The following SACM1L variants were observed in gnomAD, a reference collection of about 807,000 sequenced individuals.
SACM1L encodes the protein phosphatidylinositol-3-phosphatase SAC1.
A neutral mutation model predicts 89.5 loss-of-function variants in SACM1L; 32 were observed. The observed-to-expected ratio is 0.36, with a 90% CI of 0.27 to 0.48. SACM1L has a LOEUF of 0.48. Among genes scored for constraint, SACM1L ranks in the 20% least tolerant of loss-of-function variants. SACM1L has a pLI of 0.99. For missense variants in SACM1L, 543 were observed against 708.5 expected, an observed-to-expected ratio of 0.77 and a Z score of 2.65; for synonymous variants, 213 against 232.8, an observed-to-expected ratio of 0.92 and a Z score of 0.77.
intron 1 of SACM1L, chr3:45,689,728 C>T (rs1234059322): frequency 2.5e-5 from 15 of 607,984 alleles, no homozygotes; most frequent in South Asian, 1.8e-4. Context: ...CCAGCGCCCA[C>T]GGCTGAAGAG....
intron 11 of SACM1L, 40 bp from the exon 12 acceptor site, chr3:45,731,261 G>C (rs1345128186): frequency 1.5e-6 from 2 of 1,369,332 alleles, no homozygotes; most frequent in Non-Finnish European, 2.1e-6. Flanking sequence ...TCTCTCCTTT[G>C]AAATAAACTG....
intron 3 of SACM1L, among the ~76,000 whole-genome samples, chr3:45,706,223 G>A (rs1383510307): frequency 6.6e-6 from 1 of 152,186 alleles, no homozygotes; most frequent in Non-Finnish European, 1.5e-5. Context: ...GAGGTGGCAA[G>A]GTCAGGATTG....
intron 8 of SACM1L, 136 bp downstream of exon 8, chr3:45,719,737 G>T (rs1698746590): frequency 3.7e-6 from 2 of 533,716 alleles, no homozygotes; most frequent in East Asian, 6.4e-5. Context: ...CTGCTTCATT[G>T]TAATAATTAG....
Position 45,738,832 on chromosome 3 carries a change from CAT to C in SACM1L, c.1530_1531del (p.His510GlnfsTer34). ...CTATTCAGTGGATGAATTAGAATCT[CAT>C]AGTCCTTTAAGTGTTCCAAGGGACT... ...GNYSVDELES[H>X]SPLSVPRDWK... is the part of the protein sequence containing the mutation. On this transcript the variant is annotated frameshift_variant, in exon 18 of 20. Transcript: ENST00000389061. LOFTEE classifies it high-confidence loss of function. 1.2e-6 allele frequency: 2 copies of C among 1,611,758 alleles called. No individual in the cohort carries two copies. Among genetic ancestry groups the C allele is most frequent in the South Asian group, 1.1e-5 (1 of 90,970 alleles).
intron 11 of SACM1L, chr3:45,730,616 G>A (rs1278695065): frequency 6.6e-6 from 1 of 152,284 alleles, no homozygotes; most frequent in Admixed American, 6.5e-5. Flanking sequence ...TCAGTCTGTG[G>A]TAAAGGTTTA....
At chr3:45,692,319 T>G (rs1395435347) in intron 1 of SACM1L, among the ~76,000 whole-genome samples, 6 of 1,768 alleles carry the variant, frequency 3.4e-3, no homozygotes, top group African/African-American at 7.0e-3. Flanking sequence ...AAAGAGAGTT[T>G]TTTTTTTTTT....
intron 2 of SACM1L, 70 bp from the exon 3 acceptor site, chr3:45,705,065 C>A: frequency 1.0e-6 from 1 of 972,006 alleles, no homozygotes; most frequent in Non-Finnish European, 1.6e-6. Flanking sequence ...CTATTGAAAT[C>A]GAACTAAATT....
chr3:45,727,806 A>G (rs1698957744), intron 11 of SACM1L, among the ~76,000 whole-genome samples: 3 of 152,254 alleles, frequency 2.0e-5, no homozygotes, highest in Non-Finnish European at 4.4e-5. Context: ...CGTGTTAGCC[A>G]GGGTGGTCTC....
chr3:45,702,700 A>AT (rs1361377477), intron 1 of SACM1L, among the ~76,000 whole-genome samples: 1 of 152,184 alleles, frequency 6.6e-6, no homozygotes, highest in East Asian at 1.9e-4. Flanking sequence ...TGCCTGAACT[A>AT]TTTAAGTTGT....
intron 14 of SACM1L, chr3:45,737,363 G>A (rs776170381): frequency 4.6e-5 from 26 of 565,904 alleles, no homozygotes; most frequent in Non-Finnish European, 6.8e-5. Flanking sequence ...AAGGGAGTGC[G>A]GGGGCTGCAA....
intron 3 of SACM1L, among the ~76,000 whole-genome samples, chr3:45,705,880 A>G (rs1374608838): frequency 6.6e-6 from 1 of 152,242 alleles, no homozygotes; most frequent in African/African-American, 2.4e-5. Flanking sequence ...GACATAGTGC[A>G]TATTAGCAAA....
intron 4 of SACM1L, 187 bp downstream of exon 4, chr3:45,707,094 G>T (rs950370110): frequency 2.2e-4 from 80 of 365,636 alleles, no homozygotes; most frequent in Non-Finnish European, 2.7e-4. Context: ...TGTTGCTCTT[G>T]TTTTTTTTTT....
chr3:45,719,203 T>C (rs1698732962), intron 7 of SACM1L, among the ~76,000 whole-genome samples: 2 of 152,174 alleles, frequency 1.3e-5, no homozygotes, highest in Non-Finnish European at 2.9e-5. Context: ...AGTGATGTGG[T>C]TAATACTTAA....
At position 45,738,604 on chromosome 3, in the gene SACM1L, T is replaced by C. The variant is rs1223560263; in HGVS notation, c.1409T>C (p.Leu470Pro). 2 of 1,612,690 alleles carry C rather than the reference T, an allele frequency of 1.2e-6. No homozygotes were observed. The highest frequency in any genetic ancestry group is 1.7e-6 in the Non-Finnish European group (2 of 1,178,826). ...TRTGKRTHLG[L>P]IMDGWNSMIR... ...ACTGGAAAGAGAACTCATTTGGGAC[T>C]TATAATGGATGGCTGGAACTCAATG... The change falls in exon 17 of 20, where the codon CTT (leucine) becomes CCT (proline). Residue 470 changes from leucine (L) to proline (P), a missense_variant. Transcript: ENST00000389061.
chr3:45,723,652 G>C, intron 11 of SACM1L, 109 bp downstream of exon 11: 1 of 362,548 alleles, frequency 2.8e-6, no homozygotes, highest in Non-Finnish European at 5.0e-6. Flanking sequence ...GCATTAAGTA[G>C]TTCATAATGT....
At chr3:45,710,671 A>G (rs1208058034) in intron 5 of SACM1L, among the ~76,000 whole-genome samples, 1 of 152,128 alleles carries the variant, frequency 6.6e-6, no homozygotes. Context: ...AGGTCGCTCC[A>G]TCTTACTTAT....
intron 1 of SACM1L, among the ~76,000 whole-genome samples, chr3:45,701,501 C>T (rs1430005140): frequency 6.6e-6 from 1 of 152,056 alleles, no homozygotes; most frequent in Non-Finnish European, 1.5e-5. Context: ...TCTGTAGATA[C>T]GGACTGAAAT....
At position 45,705,051 on chromosome 3, in the gene SACM1L, GTAAC is replaced by G. The variant is rs551441507; in HGVS notation, c.131-81_131-78del. 103 of 828,248 alleles carry G rather than the reference GTAAC, an allele frequency of 1.2e-4. No individual in the cohort carries two copies. The African/African-American group carries it at 1.6e-3, about 13-fold the overall frequency. The allele number at this position is 828,248 out of a possible 1,614,324, so 51.3% of individuals were successfully genotyped here. ...AATCATGCAAATTGATGTAGTCAAA[GTAAC>G]TATTGAAATCGAACTAAATTTCTGT... is the stretch of plus-strand genomic sequence containing the variant. On this transcript the variant is annotated intron_variant, in intron 2 of 19. Transcript: ENST00000389061.
intron 19 of SACM1L, among the ~76,000 whole-genome samples, chr3:45,741,821 T>C (rs1410257088): frequency 6.6e-6 from 1 of 152,194 alleles, no homozygotes; most frequent in Admixed American, 6.5e-5. Flanking sequence ...CATTTAAAAA[T>C]GTAAAAAGCA....
Sources: allele counts gnomAD v4.1 joint callset (sites outside exome capture counted in the v4.1 genomes callset), GRCh38; gene constraint gnomAD v4.1.1; transcripts MANE v1.5; gene names NCBI Gene and HGNC (gene_info 2026-07-23, HGNC 2026-07-21).